AGBL4: variants seen among roughly 807,000 people sequenced by gnomAD.
AGBL4 encodes the protein AGBL carboxypeptidase 4, also known as cytosolic carboxypeptidase 6.
A neutral mutation model predicts 66.4 loss-of-function variants in AGBL4; 58 were observed. The ratio of observed to expected loss-of-function variants is 0.87; its 90% CI spans 0.71 to 1.09. AGBL4 has a LOEUF of 1.09. Among genes scored for constraint, AGBL4 ranks in the 50% least tolerant of loss-of-function variants. The pLI is 0.00. For missense variants in AGBL4, 579 were observed against 631.0 expected, an observed-to-expected ratio of 0.92 and a Z score of 0.88; for synonymous variants, 234 against 222.9, an observed-to-expected ratio of 1.05 and a Z score of -0.44.
At chr1:48,873,697 C>A (rs1373256746) in intron 5 of AGBL4, among the ~76,000 whole-genome samples, 3 of 152,022 alleles carry the variant, frequency 2.0e-5, no homozygotes, top group Non-Finnish European at 2.9e-5. Context: ...TTAGTTTTAC[C>A]CCTTGTCTTC....
intron 5 of AGBL4, among the ~76,000 whole-genome samples, chr1:48,926,897 G>A (rs968293202): frequency 6.6e-6 from 1 of 152,154 alleles, no homozygotes; most frequent in Non-Finnish European, 1.5e-5. Context: ...AGTTATAGTA[G>A]GAAGTGGTAG....
At chr1:49,987,520 G>T (rs1397857466) in intron 1 of AGBL4, among the ~76,000 whole-genome samples, 1 of 151,902 alleles carries the variant, frequency 6.6e-6, no homozygotes, top group Non-Finnish European at 1.5e-5. Context: ...AAAATGTGAG[G>T]AGAAGCTATG....
At chr1:48,864,700 C>A (rs1647823887) in intron 6 of AGBL4, among the ~76,000 whole-genome samples, 1 of 152,044 alleles carries the variant, frequency 6.6e-6, no homozygotes, top group Non-Finnish European at 1.5e-5. Context: ...ATTTGTAAAG[C>A]AATACCAGTT....
chr1:48,793,450 T>C (rs1465101123), intron 6 of AGBL4, among the ~76,000 whole-genome samples: 1 of 152,186 alleles, frequency 6.6e-6, no homozygotes, highest in Non-Finnish European at 1.5e-5. Context: ...TGTCAGGTAC[T>C]TCCTGAAATA....
At position 48,982,651 on chromosome 1, in the gene AGBL4, G is replaced by A. The variant is rs138683126; in HGVS notation, c.594+62933C>T. On this transcript the variant is annotated intron_variant, in intron 5 of 13. Transcript: ENST00000371839. ...AGTCTTTGCTATTGTGGATAGTGCC[G>A]CAATAAACATACGTGTGCATGTGTT... is the stretch of plus-strand genomic sequence containing the variant. Among the ~76,000 whole-genome samples the A allele has an allele frequency of 3.6e-3, 549 of 152,072 alleles. 1 individual carries two copies. The highest frequency in any genetic ancestry group is 6.8e-3 in the Middle Eastern group (2 of 294).
intron 3 of AGBL4, among the ~76,000 whole-genome samples, chr1:49,468,128 T>C (rs962530782): frequency 2.0e-5 from 3 of 151,890 alleles, no homozygotes; most frequent in African/African-American, 7.2e-5. Context: ...ATGGGTCCAC[T>C]TATACACAGA....
intron 6 of AGBL4, among the ~76,000 whole-genome samples, chr1:48,674,446 C>G (rs535624104): frequency 4.0e-5 from 6 of 151,542 alleles, no homozygotes; most frequent in African/African-American, 1.5e-4. Context: ...GGTGTTCCTT[C>G]TCCCTCACCC....
intron 11 of AGBL4, among the ~76,000 whole-genome samples, chr1:48,580,598 G>A (rs546785695): frequency 6.6e-6 from 1 of 152,296 alleles, no homozygotes; most frequent in African/African-American, 2.4e-5. Flanking sequence ...GAATTAATTA[G>A]AGAACTTTTA....
chr1:48,658,843 ATGTG>A (rs5774012), intron 7 of AGBL4, among the ~76,000 whole-genome samples: 76,500 of 149,444 alleles, frequency 0.51, 19,670 homozygotes, highest in Middle Eastern at 0.65. Flanking sequence ...TGGTGTGTGC[ATGTG>A]TGTGTGTGTG....
chr1:50,002,807 T>C (rs1572041362), intron 1 of AGBL4, among the ~76,000 whole-genome samples: 2 of 152,184 alleles, frequency 1.3e-5, no homozygotes, highest in African/African-American at 4.8e-5. Flanking sequence ...AGGATATGCA[T>C]TACAGGATGC....
chr1:49,948,212 A>C (rs1353106565), intron 1 of AGBL4, among the ~76,000 whole-genome samples: 1 of 65,374 alleles, frequency 1.5e-5, no homozygotes, highest in Non-Finnish European at 2.9e-5. Context: ...ATAAATATAT[A>C]AATATATATA....
chr1:49,781,286 C>T (rs1377835409), intron 2 of AGBL4, among the ~76,000 whole-genome samples: 2 of 151,888 alleles, frequency 1.3e-5, no homozygotes, highest in African/African-American at 4.8e-5. Context: ...CCTAGCTATT[C>T]AGGAGGCTGA....
chr1:49,664,475 T>G (rs1177402581), intron 3 of AGBL4, among the ~76,000 whole-genome samples: 1 of 152,110 alleles, frequency 6.6e-6, no homozygotes, highest in African/African-American at 2.4e-5. Flanking sequence ...AATAATTTTC[T>G]AATTGCAGAA....
At chr1:48,749,027 G>A (rs367882702) in intron 6 of AGBL4, among the ~76,000 whole-genome samples, 13 of 152,164 alleles carry the variant, frequency 8.5e-5, no homozygotes, top group African/African-American at 2.6e-4. Context: ...AAATGGATCC[G>A]AGAGAGCCCC....
intron 4 of AGBL4, among the ~76,000 whole-genome samples, chr1:49,170,360 C>T (rs1646714894): frequency 7.1e-6 from 1 of 140,330 alleles, no homozygotes; most frequent in East Asian, 2.0e-4. Context: ...TATATTTTGT[C>T]TCACTCTTGG....
chr1:49,519,938 G>A (rs183067109), intron 3 of AGBL4, among the ~76,000 whole-genome samples: 81 of 152,154 alleles, frequency 5.3e-4, no homozygotes, highest in Non-Finnish European at 8.7e-4. Flanking sequence ...CCTTGTGGCT[G>A]TCAATGTGGG....
intron 9 of AGBL4, among the ~76,000 whole-genome samples, chr1:48,593,445 A>C (rs1644947155): frequency 6.6e-6 from 1 of 152,236 alleles, no homozygotes; most frequent in Admixed American, 6.5e-5. Flanking sequence ...TCACACATAC[A>C]CAATTGTATG....
chr1:48,892,341 CA>C (rs1280092585), intron 5 of AGBL4, among the ~76,000 whole-genome samples: 1 of 152,212 alleles, frequency 6.6e-6, no homozygotes, highest in Non-Finnish European at 1.5e-5. Flanking sequence ...ATTGCATCTG[CA>C]AAGACCTTTT....
chr1:49,143,331 G>A (rs1646154323), intron 4 of AGBL4, among the ~76,000 whole-genome samples: 1 of 152,176 alleles, frequency 6.6e-6, no homozygotes, highest in Non-Finnish European at 1.5e-5. Flanking sequence ...TATTTCAAGA[G>A]TTAACTCAAG....
Sources: gnomAD v4.1 joint callset for allele counts (sites outside exome capture counted in the v4.1 genomes callset) on GRCh38, gnomAD v4.1.1 for gene constraint, MANE v1.5 for transcripts, NCBI Gene and HGNC (gene_info 2026-07-23, HGNC 2026-07-21) for gene names.